Variants in RPAP3 observed in about 807,000 individuals in gnomAD.
RPAP3 encodes RNA polymerase II-associated protein 3.
A neutral mutation model predicts 88.8 loss-of-function variants in RPAP3; 58 were observed. The observed-to-expected ratio is 0.65, with a 90% CI of 0.53 to 0.81. The LOEUF is 0.81. Among genes scored for constraint, RPAP3 ranks in the 40% least tolerant of loss-of-function variants. The pLI is 0.00. For missense variants in RPAP3, 751 were observed against 764.3 expected (o/e 0.98, Z 0.20); for synonymous variants, 255 against 259.9 (o/e 0.98, Z 0.18).
chr12:47,691,310 T>C (rs1939423390), intron 5 of RPAP3, among the ~76,000 whole-genome samples: 1 of 152,186 alleles, frequency 6.6e-6, no homozygotes, highest in Non-Finnish European at 1.5e-5. Context: ...AAGAATCAAC[T>C]GACCATCCAT....
At chr12:47,700,547 C>G (rs1425938252) in intron 3 of RPAP3, among the ~76,000 whole-genome samples, 5 of 152,098 alleles carry the variant, frequency 3.3e-5, no homozygotes, top group African/African-American at 1.2e-4. Context: ...ACATACATAC[C>G]CCTAACCACA....
At chr12:47,689,482 G>A (rs2136632657) in intron 6 of RPAP3, among the ~76,000 whole-genome samples, 1 of 152,254 alleles carries the variant, frequency 6.6e-6, no homozygotes, top group Non-Finnish European at 1.5e-5. Flanking sequence ...GGGACTACAA[G>A]CACACGCCAA....
At chr12:47,684,858 A>G (rs1343406714) in intron 9 of RPAP3, among the ~76,000 whole-genome samples, 2 of 152,234 alleles carry the variant, frequency 1.3e-5, no homozygotes, top group Non-Finnish European at 2.9e-5. Context: ...TGACTAGTCA[A>G]CAAAAGAATC....
At chr12:47,691,428 CT>C (rs1325461622) in intron 5 of RPAP3, among the ~76,000 whole-genome samples, 5 of 152,206 alleles carry the variant, frequency 3.3e-5, no homozygotes, top group African/African-American at 1.2e-4. Flanking sequence ...TTCCAAACTC[CT>C]GTTAACACTG....
chr12:47,683,087 T>C (rs1025429137), intron 9 of RPAP3, among the ~76,000 whole-genome samples: 3 of 152,130 alleles, frequency 2.0e-5, no homozygotes, highest in Non-Finnish European at 2.9e-5. Context: ...TCTTTGAACC[T>C]GCACTAGAAC....
In RPAP3 at chr12:47,688,283, A is replaced by ACATACC. The variant is rs568326574; in HGVS notation, c.739-283_739-282insGGTATG. Among the ~76,000 whole-genome samples the ACATACC allele has an allele frequency of 3.4e-3, 514 of 152,204 alleles. 3 individuals carry two copies. The highest frequency in any genetic ancestry group is 0.011 in the African/African-American group (475 of 41,524). Reference sequence around the variant, plus strand: ...TAAGTGGGAGGTAAACATTGGGTACACATGGACATAAACAGAAACAACAGA... The same window carrying ACATACC: ...TAAGTGGGAGGTAAACATTGGGTACACATACCCATGGACATAAACAGAAACAACAGA... On this transcript the variant is annotated intron_variant, in intron 7 of 16. Coordinates refer to ENST00000005386, the MANE Select transcript of RPAP3 (RefSeq NM_024604.3).
intron 2 of RPAP3, 127 bp downstream of exon 2, chr12:47,702,561 A>G: frequency 2.4e-6 from 2 of 832,206 alleles, no homozygotes; most frequent in South Asian, 2.0e-5. Context: ...ACAAAAAAAA[A>G]GAAAAGAAAA....
At chr12:47,683,028 CCACT>C (rs1939255879) in intron 9 of RPAP3, among the ~76,000 whole-genome samples, 1 of 152,120 alleles carries the variant, frequency 6.6e-6, no homozygotes, top group African/African-American at 2.4e-5. Context: ...ATAATACGAA[CCACT>C]CACCCTTTCC....
At chr12:47,668,119 T>A (rs1342319744) in intron 14 of RPAP3, among the ~76,000 whole-genome samples, 1 of 152,160 alleles carries the variant, frequency 6.6e-6, no homozygotes, top group Non-Finnish European at 1.5e-5. Context: ...TGCTTGAACC[T>A]GGGAGGCAGA....
chr12:47,690,617 A>C lies in RPAP3; in HGVS notation c.568T>G (p.Cys190Gly). The C allele has an allele frequency of 6.4e-7, 1 of 1,552,160 alleles. No individual in the cohort carries two copies. Among genetic ancestry groups the C allele is most frequent in the Non-Finnish European group, 8.7e-7 (1 of 1,143,214 alleles). ...CTATTCAAGGCAACTGCTAAATTACAATCAGACTCAGCAACAGCAAATCTG... is the reference window on the plus strand; with the variant it reads ...CTATTCAAGGCAACTGCTAAATTACCATCAGACTCAGCAACAGCAAATCTG... The part of the protein sequence containing the change: ...LKKFAVAESD[C>G]NLAVALNRSY... The change falls in exon 6 of 17, where the codon TGT becomes GGT. Residue 190 changes from cysteine to glycine, a missense_variant. Coordinates refer to ENST00000005386, the MANE Select transcript of RPAP3 (RefSeq NM_024604.3).
At chr12:47,668,203 A>G (rs913329121) in intron 14 of RPAP3, among the ~76,000 whole-genome samples, 2 of 152,234 alleles carry the variant, frequency 1.3e-5, no homozygotes, top group Admixed American at 6.5e-5. Context: ...CCAAAACAAA[A>G]AGAAAAGAAT....
rs373147823 is a variant in RPAP3 at position 47,670,120 on chromosome 12, T to C, written c.1513A>G (p.Thr505Ala). 6.3e-7 allele frequency: 1 copy of C among 1,591,698 alleles called. No individual in the cohort carries two copies. The highest frequency in any genetic ancestry group is 8.6e-7 in the Non-Finnish European group (1 of 1,159,736). ...ATTTCTACTCACTGCAGGGATGAAG[T>C]ATCACTGACTTCTTCTATTTTCAAT... Reference protein sequence around the residue: ...KVLKIEEVSDTSSLQPQASLK... With the variant: ...KVLKIEEVSDASSLQPQASLK... Residue 505 changes from threonine (T) to alanine (A), a missense_variant, in exon 13 of 17, where the codon ACT (threonine) becomes GCT (alanine). Transcript: ENST00000005386.
chr12:47,701,626 C>CA (rs1939656407), intron 2 of RPAP3, 22 bp from the exon 3 acceptor site: 3 of 1,554,718 alleles, frequency 1.9e-6, no homozygotes, highest in African/African-American at 2.8e-5. Context: ...AAAAAAAACA[C>CA]AAAGTTGTGA....
chr12:47,696,510 A>AT (rs770179662), intron 4 of RPAP3, 107 bp from the exon 5 acceptor site: 56 of 662,748 alleles, frequency 8.4e-5, no homozygotes, highest in Admixed American at 2.0e-4. Flanking sequence ...TTAAATGTAG[A>AT]TTTTTTTCAA....
chr12:47,665,712 C>G (rs931385274), intron 16 of RPAP3, among the ~76,000 whole-genome samples: 3 of 152,012 alleles, frequency 2.0e-5, no homozygotes, highest in African/African-American at 7.2e-5. Flanking sequence ...ACAATCATGG[C>G]TCACTGCAGC....
intron 3 of RPAP3, among the ~76,000 whole-genome samples, chr12:47,700,981 TG>T (rs1939643471): frequency 6.6e-6 from 1 of 152,180 alleles, no homozygotes; most frequent in Non-Finnish European, 1.5e-5. Flanking sequence ...TATAAAGGGA[TG>T]GCACAAAGGG....
chr12:47,670,099 C>G lies in RPAP3; in HGVS notation c.1526+8G>C. On this transcript the variant is annotated splice_region_variant and intron_variant, in intron 13 of 16. Coordinates refer to ENST00000005386, the MANE Select transcript of RPAP3 (RefSeq NM_024604.3). ...GGATGATCAGCAAATAACAGTATTT[C>G]TACTCACTGCAGGGATGAAGTATCA... The G allele has an allele frequency of 6.6e-7, 1 of 1,504,486 alleles. No individual in the cohort carries two copies. The highest frequency in any genetic ancestry group is 9.3e-7 in the Non-Finnish European group (1 of 1,080,554). 93.2% of individuals were successfully genotyped at this position (1,504,486 alleles called of 1,614,324 possible).
At chr12:47,684,883 T>C (rs950820959) in intron 9 of RPAP3, among the ~76,000 whole-genome samples, 1 of 152,210 alleles carries the variant, frequency 6.6e-6, no homozygotes, top group African/African-American at 2.4e-5. Flanking sequence ...TCCAGTGATA[T>C]CTATTACTTT....
intron 4 of RPAP3, among the ~76,000 whole-genome samples, chr12:47,697,009 T>C (rs890336524): frequency 3.3e-5 from 5 of 152,164 alleles, no homozygotes; most frequent in African/African-American, 1.2e-4. Context: ...ATACCCAGCA[T>C]TATACTCCTT....
Sources: allele counts gnomAD v4.1 joint callset (sites outside exome capture counted in the v4.1 genomes callset), GRCh38; gene constraint gnomAD v4.1.1; transcripts MANE v1.5; gene names NCBI Gene and HGNC (gene_info 2026-07-23, HGNC 2026-07-21).